The following KLF12 variants were observed in gnomAD, a reference collection of about 807,000 sequenced individuals.
The protein encoded by KLF12 is Krueppel-like factor 12.
Under a neutral mutation model 37.8 loss-of-function variants are expected in KLF12, and 9 were observed. That is an observed-to-expected ratio of 0.24 (90% CI 0.14 to 0.42). The LOEUF is 0.42. KLF12 is among the 10% of genes least tolerant of loss of function. KLF12 has a pLI of 1.00. For missense variants in KLF12, 411 were observed against 516.0 expected, an observed-to-expected ratio of 0.80 and a Z score of 1.97; for synonymous variants, 208 against 202.1, an observed-to-expected ratio of 1.03 and a Z score of -0.25.
chr13:74,094,802 G>A (rs1181782500), intron 1 of KLF12, among the ~76,000 whole-genome samples: 4 of 151,996 alleles, frequency 2.6e-5, no homozygotes, highest in Admixed American at 6.6e-5. Context: ...GTTTCGCCAC[G>A]TTGGCCAGGC....
At chr13:74,107,500 G>A (rs1876719416) in intron 1 of KLF12, among the ~76,000 whole-genome samples, 1 of 152,202 alleles carries the variant, frequency 6.6e-6, no homozygotes, top group African/African-American at 2.4e-5. Context: ...TTAGATCATT[G>A]TATGTTGGAC....
the KLF12 span, among the ~76,000 whole-genome samples, chr13:74,274,878 A>AT: frequency 6.6e-6 from 1 of 151,946 alleles, no homozygotes; most frequent in African/African-American, 2.4e-5. Context: ...CACTTCATCA[A>AT]TTTTTTAAAT....
rs148089704 is a variant in KLF12 at position 74,036,502 on chromosome 13, A to G, written c.-31-41449T>C. 9.9e-3 allele frequency among the ~76,000 whole-genome samples: 1,514 copies of G among 152,278 alleles called. 25 individuals are homozygous for G. The highest frequency in any genetic ancestry group is 0.057 in the East Asian group (295 of 5,176). On this transcript the variant is annotated intron_variant, in intron 1 of 7. Transcript: ENST00000377669. Reference sequence around the variant, plus strand: ...ACAGTGCACGCACAAACACATGAACACCACCAGCAGGAACACAGCATTCCC... The same window carrying G: ...ACAGTGCACGCACAAACACATGAACGCCACCAGCAGGAACACAGCATTCCC...
chr13:74,006,321 AC>A (rs1339501755), intron 1 of KLF12, among the ~76,000 whole-genome samples: 1 of 152,106 alleles, frequency 6.6e-6, no homozygotes, highest in East Asian at 1.9e-4. Context: ...CTCTCTCCCT[AC>A]AGAGGTATCT....
intron 4 of KLF12, among the ~76,000 whole-genome samples, chr13:73,842,399 A>G (rs1441529307): frequency 6.6e-6 from 1 of 152,220 alleles, no homozygotes; most frequent in African/African-American, 2.4e-5. Flanking sequence ...GAAAGTCAGT[A>G]GCTCTCATTA....
intron 1 of KLF12, among the ~76,000 whole-genome samples, chr13:74,037,547 C>T (rs1196997861): frequency 6.6e-6 from 1 of 152,160 alleles, no homozygotes; most frequent in Non-Finnish European, 1.5e-5. Flanking sequence ...GAAGCATTTT[C>T]TAAGATGCAC....
chr13:73,852,471 A>C (rs1028411066), intron 3 of KLF12, among the ~76,000 whole-genome samples: 1 of 152,166 alleles, frequency 6.6e-6, no homozygotes, highest in Non-Finnish European at 1.5e-5. Context: ...TCAATATGTC[A>C]ATTGTCAGTT....
chr13:74,253,484 T>C, the KLF12 span, among the ~76,000 whole-genome samples: 11 of 152,188 alleles, frequency 7.2e-5, no homozygotes, highest in African/African-American at 2.2e-4. Flanking sequence ...CTCAAATCCC[T>C]TGTGGATATT....
intron 1 of KLF12, among the ~76,000 whole-genome samples, chr13:74,030,046 A>G (rs992161031): frequency 6.6e-6 from 1 of 152,124 alleles, no homozygotes; most frequent in African/African-American, 2.4e-5. Flanking sequence ...ATTTCATAGC[A>G]CATTAAAAAA....
At chr13:73,772,918 C>A (rs1051624800) in intron 5 of KLF12, among the ~76,000 whole-genome samples, 1 of 151,972 alleles carries the variant, frequency 6.6e-6, no homozygotes, top group African/African-American at 2.4e-5. Flanking sequence ...ACAGATTAGG[C>A]GTATCTGCAG....
At chr13:74,235,947 TA>T in the KLF12 span, among the ~76,000 whole-genome samples, 9 of 150,760 alleles carry the variant, frequency 6.0e-5, no homozygotes, top group East Asian at 9.7e-4. Context: ...TTTTTATTTT[TA>T]TTTTTTTTTA....
At chr13:73,971,574 C>T (rs75755136) in intron 2 of KLF12, among the ~76,000 whole-genome samples, 2,081 of 152,090 alleles carry the variant, frequency 0.014, 39 homozygotes, top group African/African-American at 0.048. Context: ...CTATGGAGGC[C>T]CCTGATTTTA....
chr13:74,139,169 A>C, the KLF12 span, among the ~76,000 whole-genome samples: 6 of 152,308 alleles, frequency 3.9e-5, no homozygotes, highest in South Asian at 1.2e-3. Flanking sequence ...CGCCAATGGG[A>C]GATATACTGG....
At chr13:74,013,618 G>A (rs576890717) in intron 1 of KLF12, among the ~76,000 whole-genome samples, 1 of 152,058 alleles carries the variant, frequency 6.6e-6, no homozygotes, top group Non-Finnish European at 1.5e-5. Context: ...ATCTAGGGGG[G>A]CAAAGAAATT....
the KLF12 span, among the ~76,000 whole-genome samples, chr13:74,303,599 A>T: frequency 6.6e-6 from 1 of 152,174 alleles, no homozygotes; most frequent in Non-Finnish European, 1.5e-5. Context: ...TGAAATATTT[A>T]AAAAGAGATT....
At chr13:73,737,907 G>C (rs1877574695) in intron 6 of KLF12, among the ~76,000 whole-genome samples, 1 of 151,642 alleles carries the variant, frequency 6.6e-6, no homozygotes, top group Non-Finnish European at 1.5e-5. Context: ...ACTAATACGT[G>C]ACTGTAAACC....
intron 2 of KLF12, among the ~76,000 whole-genome samples, chr13:73,980,638 C>CA (rs1294857329): frequency 1.3e-5 from 2 of 151,946 alleles, no homozygotes; most frequent in African/African-American, 4.8e-5. Context: ...TCATCCCTAC[C>CA]AAAAAAGATG....
chr13:74,265,886 ATC>A, the KLF12 span, among the ~76,000 whole-genome samples: 12 of 152,374 alleles, frequency 7.9e-5, no homozygotes, highest in African/African-American at 2.9e-4. Flanking sequence ...TTCCCATAGA[ATC>A]TGAGAGATTA....
chr13:74,107,974 T>C (rs1480180863), intron 1 of KLF12, among the ~76,000 whole-genome samples: 1 of 152,228 alleles, frequency 6.6e-6, no homozygotes, highest in East Asian at 1.9e-4. Context: ...TTATATACTG[T>C]ACATATGGTC....
Sources: allele counts gnomAD v4.1 joint callset (sites outside exome capture counted in the v4.1 genomes callset), GRCh38; gene constraint gnomAD v4.1.1; transcripts MANE v1.5; gene names NCBI Gene and HGNC (gene_info 2026-07-23, HGNC 2026-07-21).